TBC1D32: variants seen among roughly 807,000 people sequenced by gnomAD.
TBC1D32 encodes protein broad-minded.
TBC1D32 carries 151 observed loss-of-function variants against 170.3 expected under a neutral mutation model. The ratio of observed to expected loss-of-function variants is 0.89; its 90% confidence interval spans 0.78 to 1.01. The LOEUF is 1.01. Ranked by LOEUF, TBC1D32 falls within the 50% of genes least tolerant of loss-of-function variation. The probability of loss-of-function intolerance (pLI) is 0.00; values close to 1 mark genes in which losing one functional copy is unlikely to be tolerated. For missense variants in TBC1D32, 1,464 were observed against 1,457.1 expected, an observed-to-expected ratio of 1.00 and a Z score of -0.08; for synonymous variants, 498 against 488.0, an observed-to-expected ratio of 1.02 and a Z score of -0.27.
Position 121,330,741 on chromosome 6 carries a change from A to G in TBC1D32, c.155+3535T>C, listed in dbSNP as rs140306998. On this transcript the variant is annotated intron_variant, in intron 1 of 31. Coordinates refer to ENST00000398212, the MANE Select transcript of TBC1D32 (RefSeq NM_152730.6). ...GATTCATCTGTGGTGGGGACTAAGC[A>G]TCAGTATTTTTCTAAATAGCCCCCA... 5.3e-5 allele frequency among the ~76,000 whole-genome samples: 8 copies of G among 152,270 alleles called. No homozygotes were observed. The East Asian group carries it at 1.5e-3, about 29-fold the overall frequency.
intron 22 of TBC1D32, among the ~76,000 whole-genome samples, chr6:121,171,467 T>C (rs1786988802): frequency 6.6e-6 from 1 of 152,086 alleles, no homozygotes; most frequent in Non-Finnish European, 1.5e-5. Context: ...TTTTGTTAGA[T>C]GTAACAATGG....
chr6:121,297,397 T>C lies in TBC1D32; in HGVS notation c.1140+2049A>G, dbSNP rs114490572. ...TAAGACACGAAAAACCAAGGGAGAA[T>C]TTAAATAACCAAGCCGTCAAGTCAT... On this transcript the variant is annotated intron_variant, in intron 10 of 31. Transcript: ENST00000398212. 2.4e-3 allele frequency among the ~76,000 whole-genome samples: 370 copies of C among 152,106 alleles called. 1 individual carries two copies. The highest frequency in any genetic ancestry group is 8.3e-3 in the African/African-American group (346 of 41,518).
At chr6:121,292,584 A>G (rs17083373) in intron 11 of TBC1D32, among the ~76,000 whole-genome samples, 16,170 of 152,186 alleles carry the variant, frequency 0.11, 1,606 homozygotes, top group African/African-American at 0.26. Flanking sequence ...GATCATATTA[A>G]CAAGCACGTC....
intron 9 of TBC1D32, among the ~76,000 whole-genome samples, chr6:121,302,749 G>T (rs1053983121): frequency 6.6e-6 from 1 of 151,736 alleles, no homozygotes; most frequent in Non-Finnish European, 1.5e-5. Context: ...AGGAACAAAG[G>T]GTTCATCTTA....
In TBC1D32 at chr6:121,199,624, G is replaced by GAT. The variant is rs1290972954; in HGVS notation, c.2570+5449_2570+5450dup. Among the ~76,000 whole-genome samples the GAT allele has an allele frequency of 2.0e-5, 3 of 150,840 alleles. 1 individual carries two copies. The highest frequency in any genetic ancestry group is 7.4e-5 in the African/African-American group (3 of 40,500). On this transcript the variant is annotated intron_variant, in intron 22 of 31. Transcript: ENST00000398212. ...TATTAACTTGAAAAAATAAATTCTA[G>GAT]ATGTGTGTGTATATGTATATATGTA...
intron 29 of TBC1D32, among the ~76,000 whole-genome samples, chr6:121,107,596 T>C (rs1778819049): frequency 6.6e-6 from 1 of 151,938 alleles, no homozygotes; most frequent in Non-Finnish European, 1.5e-5. Flanking sequence ...TGAGAAACAG[T>C]ATCCATTGAT....
At chr6:121,253,095 A>C (rs1798506095) in intron 17 of TBC1D32, among the ~76,000 whole-genome samples, 1 of 152,184 alleles carries the variant, frequency 6.6e-6, no homozygotes, top group South Asian at 2.1e-4. Context: ...CAAAACCAAA[A>C]ATAAATAAAT....
chr6:121,301,919 C>T (rs546097370), intron 9 of TBC1D32, among the ~76,000 whole-genome samples: 7 of 151,952 alleles, frequency 4.6e-5, no homozygotes, highest in Admixed American at 2.6e-4. Flanking sequence ...CGTGACCCAC[C>T]GCACCTGGCC....
chr6:121,318,438 C>T (rs1809230109), intron 2 of TBC1D32, among the ~76,000 whole-genome samples: 1 of 151,906 alleles, frequency 6.6e-6, no homozygotes, highest in Non-Finnish European at 1.5e-5. Context: ...CTAGAAAGAA[C>T]CATAAATATA....
At chr6:121,214,584 C>G (rs1328405275) in intron 21 of TBC1D32, among the ~76,000 whole-genome samples, 1 of 152,140 alleles carries the variant, frequency 6.6e-6, no homozygotes, top group Admixed American at 6.5e-5. Context: ...CTACGGGCAC[C>G]AGGGAACACA....
chr6:121,323,582 C>G (rs1277898824), intron 1 of TBC1D32, among the ~76,000 whole-genome samples: 5 of 152,146 alleles, frequency 3.3e-5, no homozygotes, highest in African/African-American at 1.2e-4. Context: ...AAGAGTATCT[C>G]TACTTAAACG....
intron 24 of TBC1D32, among the ~76,000 whole-genome samples, chr6:121,150,898 T>C (rs563808319): frequency 1.3e-5 from 2 of 148,384 alleles, no homozygotes; most frequent in African/African-American, 4.9e-5. Context: ...CTCTTTTTTC[T>C]TCTTTAGTAG....
chr6:121,256,194 C>T lies in TBC1D32; in HGVS notation c.1825G>A (p.Val609Ile). 6.2e-7 allele frequency: 1 copy of T among 1,613,934 alleles called. No homozygotes were observed. Among genetic ancestry groups the T allele is most frequent in the Non-Finnish European group, 8.5e-7 (1 of 1,179,924 alleles). The change falls in exon 16 of 32, where the codon GTT becomes ATT. Residue 609 changes from valine (V) to isoleucine (I), a missense_variant. Val to Ile is a conservative substitution (Grantham distance 29). Coordinates refer to ENST00000398212, the MANE Select transcript of TBC1D32 (RefSeq NM_152730.6). ...CACACAGAAATAAAAGCTCCTTTAACCACAGGCAACATTTCTGATCCAGAA... is the reference window on the plus strand; with the variant it reads ...CACACAGAAATAAAAGCTCCTTTAATCACAGGCAACATTTCTGATCCAGAA... ...IFSGSEMLPV[V>I]KGAFISVCRH...
intron 24 of TBC1D32, among the ~76,000 whole-genome samples, chr6:121,147,573 A>G (rs1288205569): frequency 6.6e-6 from 1 of 151,528 alleles, no homozygotes; most frequent in Non-Finnish European, 1.5e-5. Context: ...AGTGATGGTG[A>G]GCATTTTTAA....
intron 21 of TBC1D32, among the ~76,000 whole-genome samples, chr6:121,210,769 G>C (rs1217296849): frequency 6.6e-6 from 1 of 152,174 alleles, no homozygotes; most frequent in Non-Finnish European, 1.5e-5. Flanking sequence ...CAAAGAATGA[G>C]AGAAATATGG....
chr6:121,270,513 G>T (rs1163868331), intron 15 of TBC1D32, among the ~76,000 whole-genome samples: 1 of 152,114 alleles, frequency 6.6e-6, no homozygotes, highest in South Asian at 2.1e-4. Context: ...AAATCTAGAA[G>T]AAATGGATAA....
intron 15 of TBC1D32, among the ~76,000 whole-genome samples, chr6:121,276,515 C>G (rs1159987768): frequency 6.6e-6 from 1 of 150,910 alleles, no homozygotes; most frequent in South Asian, 2.1e-4. Context: ...AAGAGTAGAA[C>G]ACAAAAAAAG....
At chr6:121,317,432 T>A in intron 3 of TBC1D32, 63 bp downstream of exon 3, 1 of 1,292,712 alleles carries the variant, frequency 7.7e-7, no homozygotes, top group Non-Finnish European at 1.0e-6. Context: ...AAGAAATAAT[T>A]TATTGAAGCT....
At chr6:121,298,940 T>G (rs1034457788) in intron 10 of TBC1D32, among the ~76,000 whole-genome samples, 1 of 152,160 alleles carries the variant, frequency 6.6e-6, no homozygotes, top group Non-Finnish European at 1.5e-5. Context: ...TTATTTTCAG[T>G]ACCCTTACAT....
Sources: gnomAD v4.1 joint callset for allele counts (sites outside exome capture counted in the v4.1 genomes callset) on GRCh38, gnomAD v4.1.1 for gene constraint, MANE v1.5 for transcripts, NCBI Gene and HGNC (gene_info 2026-07-23, HGNC 2026-07-21) for gene names.